The following XRCC4 variants were observed in gnomAD, a reference collection of about 807,000 sequenced individuals.
XRCC4 encodes the protein DNA repair protein XRCC4.
Under a neutral mutation model 39.1 loss-of-function variants are expected in XRCC4, and 28 were observed. The observed-to-expected ratio is 0.72, with a 90% CI of 0.53 to 0.98. XRCC4 has a LOEUF of 0.98. Ranked by LOEUF, XRCC4 falls within the 50% of genes least tolerant of loss-of-function variation. The pLI is 0.00. For missense variants in XRCC4, 350 were observed against 376.4 expected (o/e 0.93, Z 0.58); for synonymous variants, 123 against 126.4 (o/e 0.97, Z 0.18).
chr5:83,231,314 CA>C (rs1752487693), intron 6 of XRCC4, among the ~76,000 whole-genome samples: 2 of 151,900 alleles, frequency 1.3e-5, no homozygotes, highest in South Asian at 4.2e-4. Context: ...TTTTAGATTC[CA>C]TTTTCTGGGT....
intron 7 of XRCC4, among the ~76,000 whole-genome samples, chr5:83,298,068 T>A (rs1449903111): frequency 6.6e-6 from 1 of 151,970 alleles, no homozygotes; most frequent in Non-Finnish European, 1.5e-5. Context: ...ATCATTATCA[T>A]TACCATTTTG....
At chr5:83,211,948 A>G (rs1751662313) in intron 6 of XRCC4, among the ~76,000 whole-genome samples, 1 of 152,208 alleles carries the variant, frequency 6.6e-6, no homozygotes, top group Non-Finnish European at 1.5e-5. Flanking sequence ...CAAATTGGAC[A>G]TACAGAGAAA....
chr5:83,148,899 T>C (rs1021211582), intron 3 of XRCC4, among the ~76,000 whole-genome samples: 15 of 152,156 alleles, frequency 9.9e-5, no homozygotes, highest in African/African-American at 3.6e-4. Flanking sequence ...GTATCAAATG[T>C]ACTCAAAATT....
chr5:83,282,171 A>C (rs1464566939), intron 7 of XRCC4, among the ~76,000 whole-genome samples: 1 of 152,206 alleles, frequency 6.6e-6, no homozygotes, highest in East Asian at 1.9e-4. Context: ...TCCTATGGCA[A>C]ATGGTTTGGG....
At chr5:83,262,067 G>A (rs748404531) in intron 7 of XRCC4, among the ~76,000 whole-genome samples, 1 of 152,010 alleles carries the variant, frequency 6.6e-6, no homozygotes, top group Non-Finnish European at 1.5e-5. Context: ...AGGTATAGAA[G>A]GAGAGAGAGA....
At chr5:83,208,006 C>G (rs186945287) in intron 6 of XRCC4, among the ~76,000 whole-genome samples, 4 of 152,108 alleles carry the variant, frequency 2.6e-5, no homozygotes, top group African/African-American at 7.2e-5. Flanking sequence ...TACATTTATT[C>G]AGACTTTCAG....
intron 3 of XRCC4, among the ~76,000 whole-genome samples, chr5:83,165,228 A>C (rs886942529): frequency 1.3e-5 from 2 of 152,146 alleles, no homozygotes; most frequent in Non-Finnish European, 2.9e-5. Context: ...TATGAGAATA[A>C]AATTAACATA....
intron 3 of XRCC4, among the ~76,000 whole-genome samples, chr5:83,190,693 C>G (rs1052880995): frequency 6.6e-6 from 1 of 152,138 alleles, no homozygotes; most frequent in African/African-American, 2.4e-5. Context: ...ACAAATAACT[C>G]TCTAGGAATT....
rs1336118045 is a variant in XRCC4 at position 83,275,447 on chromosome 5, A to T, written c.893+16770A>T. Among the ~76,000 whole-genome samples, 9 of 151,802 alleles carry T rather than the reference A, an allele frequency of 5.9e-5. No homozygotes were observed. The East Asian group carries it at 1.6e-3, about 26-fold the overall frequency. On this transcript the variant is annotated intron_variant, in intron 7 of 7. Transcript: ENST00000396027. ...GTAGCTGGGACTACAGGCGCCCGCC[A>T]CTACGCCCGGCTAATTTTTTTGTAT... is the stretch of plus-strand genomic sequence containing the variant.
At chr5:83,337,733 T>C (rs562337183) in intron 7 of XRCC4, among the ~76,000 whole-genome samples, 29 of 152,334 alleles carry the variant, frequency 1.9e-4, no homozygotes, top group African/African-American at 7.0e-4. Flanking sequence ...ATGGTCTTTA[T>C]TTTATGCCAC....
chr5:83,168,415 A>G (rs1307089315), intron 3 of XRCC4, among the ~76,000 whole-genome samples: 3 of 152,302 alleles, frequency 2.0e-5, no homozygotes, highest in East Asian at 3.9e-4. Context: ...ATTCAGAAAT[A>G]CAAAATCACG....
intron 7 of XRCC4, among the ~76,000 whole-genome samples, chr5:83,338,127 T>C (rs1055729404): frequency 6.6e-6 from 1 of 152,196 alleles, no homozygotes; most frequent in Non-Finnish European, 1.5e-5. Flanking sequence ...AGATCCAGAA[T>C]GGTAGTCAAG....
chr5:83,093,472 A>T (rs1281804431), intron 1 of XRCC4, among the ~76,000 whole-genome samples: 2 of 152,212 alleles, frequency 1.3e-5, no homozygotes. Flanking sequence ...TAACAGACAT[A>T]TACAGAGTAT....
At chr5:83,309,966 A>C (rs1755650185) in intron 7 of XRCC4, among the ~76,000 whole-genome samples, 1 of 152,188 alleles carries the variant, frequency 6.6e-6, no homozygotes. Flanking sequence ...TTTTATGCTT[A>C]ATAGTATACA....
the XRCC4 span, among the ~76,000 whole-genome samples, chr5:83,359,804 T>C: frequency 0.016 from 2,384 of 152,226 alleles, 66 homozygotes; most frequent in African/African-American, 0.055. Flanking sequence ...TCAATACTGG[T>C]AGAGACAATT....
At chr5:83,358,460 A>T (rs1171379835), downstream of XRCC4, among the ~76,000 whole-genome samples, 2 of 151,986 alleles carry the variant, frequency 1.3e-5, no homozygotes, top group Non-Finnish European at 2.9e-5. Flanking sequence ...CCCTCTTTCA[A>T]AGGGCTTTCA....
chr5:83,237,063 A>T (rs1365379863), intron 6 of XRCC4, among the ~76,000 whole-genome samples: 1 of 152,072 alleles, frequency 6.6e-6, no homozygotes, highest in Non-Finnish European at 1.5e-5. Context: ...GCAATAACTG[A>T]TGCTGGTGAG....
At chr5:83,345,835 C>A (rs1731354942) in intron 7 of XRCC4, among the ~76,000 whole-genome samples, 1 of 152,148 alleles carries the variant, frequency 6.6e-6, no homozygotes, top group African/African-American at 2.4e-5. Context: ...TTTATTCTAA[C>A]ATTTTTAGAG....
Position 83,284,446 on chromosome 5 carries a change from A to G in XRCC4, c.893+25769A>G, listed in dbSNP as rs1368439922. Among the ~76,000 whole-genome samples the G allele has an allele frequency of 3.9e-5, 6 of 152,122 alleles. No homozygotes were observed. In the East Asian group the frequency reaches 7.7e-4, roughly 19 times the overall value. On this transcript the variant is annotated intron_variant, in intron 7 of 7. Coordinates refer to ENST00000396027, the MANE Select transcript of XRCC4 (RefSeq NM_003401.5). ...ATTGTAATTAAAACTGAAATCATTT[A>G]TAAAGTTGTTTGTACCAAAATAATT...
Sources: gnomAD v4.1 joint callset for allele counts (sites outside exome capture counted in the v4.1 genomes callset) on GRCh38, gnomAD v4.1.1 for gene constraint, MANE v1.5 for transcripts, NCBI Gene and HGNC (gene_info 2026-07-23, HGNC 2026-07-21) for gene names.